The following OPCML variants were observed in gnomAD, a reference collection of about 807,000 sequenced individuals.
OPCML encodes the protein opioid binding protein/cell adhesion molecule like, also known as opioid-binding protein/cell adhesion molecule.
Under a neutral mutation model 37.8 loss-of-function variants are expected in OPCML, and 13 were observed. The observed-to-expected ratio is 0.34, with a 90% confidence interval of 0.22 to 0.55. The LOEUF (loss-of-function observed/expected upper bound fraction) is 0.55. Ranked by LOEUF, OPCML falls within the 20% of genes least tolerant of loss-of-function variation. The pLI, the probability that OPCML is intolerant of heterozygous loss-of-function variation, is 0.91. For synonymous variants in OPCML, 176 were observed against 168.8 expected (o/e 1.04, Z -0.33); for missense variants, 341 against 435.6 (o/e 0.78, Z 1.93).
chr11:133,029,408 A>T (rs1242374937), intron 1 of OPCML, among the ~76,000 whole-genome samples: 2 of 152,336 alleles, frequency 1.3e-5, no homozygotes, highest in Admixed American at 6.5e-5. Context: ...AACCAAAAAG[A>T]TACACACACT....
intron 3 of OPCML, among the ~76,000 whole-genome samples, chr11:132,630,296 A>G (rs1940013891): frequency 6.6e-6 from 1 of 152,212 alleles, no homozygotes; most frequent in African/African-American, 2.4e-5. Context: ...ACCGTGGCTC[A>G]CACCTGTAAT....
chr11:133,241,013 TAAAG>T (rs1940710829), intron 1 of OPCML, among the ~76,000 whole-genome samples: 1 of 152,218 alleles, frequency 6.6e-6, no homozygotes, highest in South Asian at 2.1e-4. Context: ...TACTCGCCCT[TAAAG>T]AAAGTTGAGG....
At chr11:132,544,963 C>T (rs923897155) in intron 3 of OPCML, among the ~76,000 whole-genome samples, 1 of 152,174 alleles carries the variant, frequency 6.6e-6, no homozygotes, top group Admixed American at 6.5e-5. Context: ...AAATCACAAT[C>T]CCAGTTAGCC....
intron 2 of OPCML, among the ~76,000 whole-genome samples, chr11:132,904,350 A>C (rs937767611): frequency 6.6e-6 from 1 of 152,362 alleles, no homozygotes; most frequent in East Asian, 1.9e-4. Flanking sequence ...TTGTAAAATC[A>C]TAATAAAAAA....
intron 4 of OPCML, among the ~76,000 whole-genome samples, chr11:132,460,798 G>A (rs945648552): frequency 6.6e-6 from 1 of 152,250 alleles, no homozygotes; most frequent in Non-Finnish European, 1.5e-5. Flanking sequence ...CATATACTAC[G>A]TTTAACAAGC....
chr11:133,374,086 G>A (rs181299961), intron 1 of OPCML, among the ~76,000 whole-genome samples: 58 of 152,232 alleles, frequency 3.8e-4, no homozygotes, highest in African/African-American at 1.0e-3. Context: ...TGTAATAGCC[G>A]AAACCTGTAA....
chr11:133,447,404 T>C (rs969098168), intron 1 of OPCML, among the ~76,000 whole-genome samples: 5 of 152,220 alleles, frequency 3.3e-5, no homozygotes, highest in African/African-American at 1.2e-4. Context: ...AAGCAGTACA[T>C]GCACAGGCTT....
chr11:133,457,261 A>T (rs551044703), intron 1 of OPCML, among the ~76,000 whole-genome samples: 4 of 152,168 alleles, frequency 2.6e-5, no homozygotes, highest in Non-Finnish European at 5.9e-5. Flanking sequence ...GGTTGGGTAC[A>T]GTGGCTTATC....
chr11:132,465,393 T>G (rs969139860), intron 4 of OPCML, among the ~76,000 whole-genome samples: 3 of 152,220 alleles, frequency 2.0e-5, no homozygotes, highest in Non-Finnish European at 2.9e-5. Flanking sequence ...ATTTTACCAA[T>G]TTCATTCTGT....
chr11:132,844,736 T>C (rs538445172), intron 2 of OPCML, among the ~76,000 whole-genome samples: 2 of 152,224 alleles, frequency 1.3e-5, no homozygotes, highest in African/African-American at 2.4e-5. Flanking sequence ...ACAGAAAATA[T>C]GTAAAACATT....
intron 1 of OPCML, among the ~76,000 whole-genome samples, chr11:132,995,804 C>T (rs1386548958): frequency 6.6e-6 from 1 of 152,098 alleles, no homozygotes; most frequent in Admixed American, 6.6e-5. Flanking sequence ...CCAGGATAAC[C>T]CCAGAGAAAG....
chr11:132,945,803 G>A (rs1450506348), intron 1 of OPCML, among the ~76,000 whole-genome samples: 1 of 152,150 alleles, frequency 6.6e-6, no homozygotes, highest in Non-Finnish European at 1.5e-5. Context: ...TTGTTTTTGA[G>A]ACGGAGTCTC....
At chr11:133,327,958 C>G (rs985149060) in intron 1 of OPCML, among the ~76,000 whole-genome samples, 1 of 152,136 alleles carries the variant, frequency 6.6e-6, no homozygotes, top group Non-Finnish European at 1.5e-5. Context: ...GCAGAGAACA[C>G]TATACGGGTT....
chr11:132,966,389 T>C (rs1221173252), intron 1 of OPCML, among the ~76,000 whole-genome samples: 3 of 152,160 alleles, frequency 2.0e-5, no homozygotes, highest in Non-Finnish European at 4.4e-5. Flanking sequence ...TACTACACTG[T>C]ATGATTTTGA....
intron 1 of OPCML, among the ~76,000 whole-genome samples, chr11:133,257,774 A>G (rs1461740803): frequency 6.6e-6 from 1 of 152,068 alleles, no homozygotes; most frequent in Non-Finnish European, 1.5e-5. Flanking sequence ...ATCATCCAAT[A>G]AACATTTATT....
At chr11:132,463,319 A>G (rs78308774) in intron 4 of OPCML, among the ~76,000 whole-genome samples, 5,676 of 152,270 alleles carry the variant, frequency 0.037, 315 homozygotes, top group African/African-American at 0.13. Flanking sequence ...ACATTGTCAC[A>G]CATTCAGATG....
intron 2 of OPCML, among the ~76,000 whole-genome samples, chr11:132,881,156 A>C (rs997890773): frequency 2.0e-5 from 3 of 152,230 alleles, no homozygotes; most frequent in Non-Finnish European, 4.4e-5. Flanking sequence ...TACTGGATCC[A>C]CTTAACAGGG....
chr11:133,000,713 A>G (rs1337608775), intron 1 of OPCML, among the ~76,000 whole-genome samples: 1 of 152,200 alleles, frequency 6.6e-6, no homozygotes, highest in Non-Finnish European at 1.5e-5. Context: ...TTAGAGAAAA[A>G]AGATGTTCCT....
chr11:132,804,859 A>G (rs1591634012), intron 2 of OPCML, among the ~76,000 whole-genome samples: 1 of 152,222 alleles, frequency 6.6e-6, no homozygotes, highest in East Asian at 1.9e-4. Flanking sequence ...TAATGCCAAT[A>G]TTCAACAAAA....
Sources: gnomAD v4.1 joint callset for allele counts (sites outside exome capture counted in the v4.1 genomes callset) on GRCh38, gnomAD v4.1.1 for gene constraint, MANE v1.5 for transcripts, NCBI Gene and HGNC (gene_info 2026-07-23, HGNC 2026-07-21) for gene names.